The following GALNT13 variants were observed in gnomAD, a reference collection of about 807,000 sequenced individuals.
The protein encoded by GALNT13 is polypeptide N-acetylgalactosaminyltransferase 13.
A neutral mutation model predicts 64.2 loss-of-function variants in GALNT13; 28 were observed. The observed-to-expected ratio is 0.44, with a 90% CI of 0.32 to 0.60. The LOEUF (loss-of-function observed/expected upper bound fraction) is 0.60. Among genes scored for constraint, GALNT13 ranks in the 20% least tolerant of loss-of-function variants. GALNT13 has a pLI of 0.05. For missense variants in GALNT13, 577 were observed against 669.8 expected, an observed-to-expected ratio of 0.86 and a Z score of 1.53; for synonymous variants, 214 against 224.6, an observed-to-expected ratio of 0.95 and a Z score of 0.42.
At chr2:153,259,731 A>G in the GALNT13 span, among the ~76,000 whole-genome samples, 1 of 152,180 alleles carries the variant, frequency 6.6e-6, no homozygotes, top group Non-Finnish European at 1.5e-5. Context: ...CTCCCCAGCC[A>G]TGTGGAAGTG....
the GALNT13 span, among the ~76,000 whole-genome samples, chr2:153,156,752 G>C: frequency 6.6e-6 from 1 of 152,150 alleles, no homozygotes; most frequent in Non-Finnish European, 1.5e-5. Context: ...CCTGGACTAG[G>C]TGTTTAGGGC....
At chr2:153,475,155 A>C in the GALNT13 span, among the ~76,000 whole-genome samples, 2 of 152,158 alleles carry the variant, frequency 1.3e-5, no homozygotes, top group Non-Finnish European at 2.9e-5. Context: ...GAGAGTGTAA[A>C]AAGCTTCTTG....
At chr2:153,981,623 G>T (rs537469021) in intron 3 of GALNT13, among the ~76,000 whole-genome samples, 6 of 152,182 alleles carry the variant, frequency 3.9e-5, no homozygotes, top group African/African-American at 1.4e-4. Context: ...ATCATTGATG[G>T]ACATTCGGGT....
the GALNT13 span, among the ~76,000 whole-genome samples, chr2:153,107,423 T>A: frequency 6.6e-6 from 1 of 152,292 alleles, no homozygotes; most frequent in African/African-American, 2.4e-5. Context: ...AAGAAAGGCC[T>A]GAGAATCTCT....
the GALNT13 span, among the ~76,000 whole-genome samples, chr2:153,149,485 C>A: frequency 6.6e-6 from 1 of 151,822 alleles, no homozygotes; most frequent in Non-Finnish European, 1.5e-5. Context: ...AAATTAAGAG[C>A]TAACATTCCT....
chr2:153,328,553 T>C, the GALNT13 span, among the ~76,000 whole-genome samples: 103,676 of 151,924 alleles, frequency 0.68, 36,879 homozygotes, highest in Non-Finnish European at 0.79. Flanking sequence ...TTTGCCATGC[T>C]TTGGTGGGTT....
the GALNT13 span, among the ~76,000 whole-genome samples, chr2:153,860,107 G>A: frequency 7.9e-5 from 12 of 152,288 alleles, no homozygotes; most frequent in African/African-American, 2.9e-4. Context: ...TTTATTGAAA[G>A]TAAGTTACTT....
At chr2:153,520,595 G>A in the GALNT13 span, among the ~76,000 whole-genome samples, 1 of 152,132 alleles carries the variant, frequency 6.6e-6, no homozygotes, top group Non-Finnish European at 1.5e-5. Context: ...CCATGGAAGA[G>A]TTTTATCTTA....
At chr2:154,396,651 G>A (rs1470533176) in intron 10 of GALNT13, among the ~76,000 whole-genome samples, 2 of 152,012 alleles carry the variant, frequency 1.3e-5, no homozygotes, top group African/African-American at 4.8e-5. Flanking sequence ...GAAGATAGCT[G>A]GATTGTCATA....
At chr2:153,982,399 T>A (rs905452693) in intron 3 of GALNT13, among the ~76,000 whole-genome samples, 1 of 152,136 alleles carries the variant, frequency 6.6e-6, no homozygotes, top group Non-Finnish European at 1.5e-5. Flanking sequence ...CATTTTCTAC[T>A]GTACTACCAA....
At chr2:153,166,620 C>CAT in the GALNT13 span, among the ~76,000 whole-genome samples, 1 of 72,596 alleles carries the variant, frequency 1.4e-5, no homozygotes, top group African/African-American at 6.4e-5. Context: ...TTGCCTACTG[C>CAT]ATGTGTGTGT....
chr2:153,675,501 A>T, the GALNT13 span, among the ~76,000 whole-genome samples: 1 of 152,148 alleles, frequency 6.6e-6, no homozygotes, highest in African/African-American at 2.4e-5. Context: ...TAACAAGAAC[A>T]CGTGGACACA....
chr2:154,189,306 A>G (rs918489132), intron 4 of GALNT13, among the ~76,000 whole-genome samples: 1 of 152,098 alleles, frequency 6.6e-6, no homozygotes, highest in Non-Finnish European at 1.5e-5. Flanking sequence ...TATGTCCCCA[A>G]AATTCATATG....
the GALNT13 span, among the ~76,000 whole-genome samples, chr2:153,205,830 G>A: frequency 6.6e-6 from 1 of 151,886 alleles, no homozygotes; most frequent in Admixed American, 6.6e-5. Context: ...TTGTTTCAAA[G>A]GTTACCCAGA....
the GALNT13 span, among the ~76,000 whole-genome samples, chr2:153,798,707 T>A: frequency 1.3e-5 from 2 of 152,182 alleles, no homozygotes; most frequent in Non-Finnish European, 1.5e-5. Context: ...ACGGAGAAAT[T>A]ATTTTATCTA....
chr2:153,094,796 C>G, the GALNT13 span, among the ~76,000 whole-genome samples: 1 of 152,068 alleles, frequency 6.6e-6, no homozygotes, highest in African/African-American at 2.4e-5. Flanking sequence ...GAAAGGATTC[C>G]CTATTTAATA....
the GALNT13 span, among the ~76,000 whole-genome samples, chr2:153,116,185 A>G: frequency 2.0e-5 from 3 of 152,146 alleles, no homozygotes; most frequent in Non-Finnish European, 4.4e-5. Flanking sequence ...ACTAATGGTG[A>G]GTGTATATAT....
intron 9 of GALNT13, among the ~76,000 whole-genome samples, chr2:154,380,700 T>G (rs1698225067): frequency 6.6e-6 from 1 of 152,020 alleles, no homozygotes; most frequent in African/African-American, 2.4e-5. Context: ...ACTTGGTGGC[T>G]GAAATCCAGA....
the GALNT13 span, among the ~76,000 whole-genome samples, chr2:153,829,888 G>A: frequency 6.6e-6 from 1 of 152,168 alleles, no homozygotes; most frequent in Non-Finnish European, 1.5e-5. Context: ...TATTGCAAAG[G>A]AAGTCTCAGT....
Sources: gnomAD v4.1 joint callset for allele counts (sites outside exome capture counted in the v4.1 genomes callset) on GRCh38, gnomAD v4.1.1 for gene constraint, MANE v1.5 for transcripts, NCBI Gene and HGNC (gene_info 2026-07-23, HGNC 2026-07-21) for gene names.